ADK: variants seen among roughly 807,000 people sequenced by gnomAD.
The protein encoded by ADK is adenosine kinase.
ADK carries 24 observed loss-of-function variants against 44.7 expected under a neutral mutation model. The ratio of observed to expected loss-of-function variants is 0.54; its 90% confidence interval spans 0.39 to 0.76. The LOEUF is 0.76. Among genes scored for constraint, ADK ranks in the 30% least tolerant of loss-of-function variants. The pLI, the probability that ADK is intolerant of heterozygous loss-of-function variation, is 0.00. For missense variants in ADK, 321 were observed against 425.1 expected (o/e 0.76, Z 2.15); for synonymous variants, 128 against 142.6 (o/e 0.90, Z 0.73).
intron 1 of ADK, among the ~76,000 whole-genome samples, chr10:74,190,372 G>C (rs1023258165): frequency 6.6e-6 from 1 of 152,174 alleles, no homozygotes; most frequent in Non-Finnish European, 1.5e-5. Flanking sequence ...CTCAGTCAGT[G>C]GTGATTGCTT....
chr10:74,637,723 T>TA (rs1853665759), intron 9 of ADK, among the ~76,000 whole-genome samples: 1 of 152,220 alleles, frequency 6.6e-6, no homozygotes, highest in African/African-American at 2.4e-5. Context: ...TAGGTAGTAT[T>TA]ACCTGAATCA....
chr10:74,512,458 T>C (rs911667521), intron 6 of ADK, among the ~76,000 whole-genome samples: 9 of 151,448 alleles, frequency 5.9e-5, no homozygotes, highest in Admixed American at 3.3e-4. Context: ...CAATCTTGTT[T>C]CTTGTCATTG....
intron 9 of ADK, among the ~76,000 whole-genome samples, chr10:74,626,759 G>A (rs1168729049): frequency 6.6e-6 from 1 of 152,158 alleles, no homozygotes; most frequent in African/African-American, 2.4e-5. Flanking sequence ...CCCTCCCAAT[G>A]TTGTTTAAAT....
chr10:74,527,631 C>T (rs1737531419), intron 7 of ADK: 4 of 802,956 alleles, frequency 5.0e-6, no homozygotes, highest in Non-Finnish European at 9.1e-6. Flanking sequence ...CTTCAGGAAT[C>T]TTATGGCCTC....
At chr10:74,592,541 G>A (rs1851759457) in intron 8 of ADK, among the ~76,000 whole-genome samples, 1 of 151,848 alleles carries the variant, frequency 6.6e-6, no homozygotes, top group Non-Finnish European at 1.5e-5. Flanking sequence ...TTCTCTATTG[G>A]ATCATTTATT....
chr10:74,501,030 G>C (rs1274371199), intron 6 of ADK, among the ~76,000 whole-genome samples: 1 of 152,146 alleles, frequency 6.6e-6, no homozygotes, highest in Non-Finnish European at 1.5e-5. Flanking sequence ...CCACTCTGAA[G>C]GATATAAACA....
At chr10:74,695,744 A>C (rs1467170320) in intron 10 of ADK, among the ~76,000 whole-genome samples, 1 of 151,440 alleles carries the variant, frequency 6.6e-6, no homozygotes, top group African/African-American at 2.4e-5. Flanking sequence ...GGCTCAAGCA[A>C]TCCTCCCACC....
intron 3 of ADK, among the ~76,000 whole-genome samples, chr10:74,289,937 A>G (rs898508154): frequency 1.3e-5 from 2 of 152,076 alleles, no homozygotes; most frequent in East Asian, 1.9e-4. Context: ...TTAGCCATAT[A>G]CACAATTAGT....
intron 3 of ADK, among the ~76,000 whole-genome samples, chr10:74,272,342 T>A (rs1846464780): frequency 1.3e-5 from 2 of 152,044 alleles, no homozygotes; most frequent in Admixed American, 1.3e-4. Flanking sequence ...AGTGGCATAA[T>A]CATGGCTCCC....
chr10:74,328,337 T>C (rs1252520369), intron 4 of ADK, among the ~76,000 whole-genome samples: 1 of 152,234 alleles, frequency 6.6e-6, no homozygotes, highest in Non-Finnish European at 1.5e-5. Flanking sequence ...ATAAGAGGTT[T>C]ACATACTATG....
intron 3 of ADK, among the ~76,000 whole-genome samples, chr10:74,226,268 C>T (rs1278076542): frequency 2.6e-5 from 4 of 152,024 alleles, no homozygotes; most frequent in Admixed American, 2.6e-4. Context: ...CCACCATGCC[C>T]AGCTAATTTT....
intron 9 of ADK, among the ~76,000 whole-genome samples, chr10:74,617,473 T>G (rs1564821406): frequency 6.6e-6 from 1 of 152,252 alleles, no homozygotes; most frequent in Non-Finnish European, 1.5e-5. Context: ...TTTCCCTTTT[T>G]TCTTTTAATG....
chr10:74,632,159 C>T (rs76847220), intron 9 of ADK, among the ~76,000 whole-genome samples: 1 of 152,246 alleles, frequency 6.6e-6, no homozygotes, highest in East Asian at 1.9e-4. Context: ...CTTTCTGCCT[C>T]TATGCATTTG....
intron 3 of ADK, among the ~76,000 whole-genome samples, chr10:74,289,945 A>G (rs564722651): frequency 6.6e-6 from 1 of 152,142 alleles, no homozygotes; most frequent in South Asian, 2.1e-4. Context: ...ATACACAATT[A>G]GTTTACTCTT....
chr10:74,280,448 G>GT (rs1376769768), intron 3 of ADK, among the ~76,000 whole-genome samples: 2 of 68,868 alleles, frequency 2.9e-5, no homozygotes, highest in Non-Finnish European at 7.2e-5. Flanking sequence ...ACACACACAC[G>GT]TTTTTTAGAG....
At chr10:74,231,925 A>G (rs1214455598) in intron 3 of ADK, among the ~76,000 whole-genome samples, 1 of 151,338 alleles carries the variant, frequency 6.6e-6, no homozygotes, top group Non-Finnish European at 1.5e-5. Flanking sequence ...TAAGTACTAA[A>G]TCTGTGTTAG....
At chr10:74,299,777 T>G (rs1472736326) in intron 3 of ADK, among the ~76,000 whole-genome samples, 1 of 151,768 alleles carries the variant, frequency 6.6e-6, no homozygotes. Context: ...TTGAATATCA[T>G]TTATTATTGA....
At chr10:74,177,958 T>TTTTTTA (rs1591811915) in intron 1 of ADK, among the ~76,000 whole-genome samples, 1 of 147,438 alleles carries the variant, frequency 6.8e-6, no homozygotes, top group African/African-American at 2.5e-5. Flanking sequence ...TTTTTTTTTT[T>TTTTTTA]GAGACAGAGT....
intron 1 of ADK, among the ~76,000 whole-genome samples, chr10:74,182,248 A>AT (rs11381604): frequency 0.2 from 30,499 of 151,766 alleles, 4,079 homozygotes; most frequent in African/African-American, 0.38. Context: ...TTACTGCACA[A>AT]TTTTTTTTAT....
Sources: allele counts gnomAD v4.1 joint callset (sites outside exome capture counted in the v4.1 genomes callset), GRCh38; gene constraint gnomAD v4.1.1; transcripts MANE v1.5; gene names NCBI Gene and HGNC (gene_info 2026-07-23, HGNC 2026-07-21).